The following CEP63 variants were observed in gnomAD, a reference collection of about 807,000 sequenced individuals.
The protein encoded by CEP63 is centrosomal protein of 63 kDa.
In CEP63, 84 loss-of-function variants were observed where a neutral mutation model predicts 89.1. The observed-to-expected ratio is 0.94, with a 90% CI of 0.79 to 1.13. The LOEUF (loss-of-function observed/expected upper bound fraction) is 1.13. Among genes scored for constraint, CEP63 ranks in the 50% most tolerant of loss-of-function variants. The pLI is 0.00. For missense variants in CEP63, 838 were observed against 813.3 expected (o/e 1.03, Z -0.37); for synonymous variants, 267 against 272.5 (o/e 0.98, Z 0.20).
At chr3:134,634,058 A>G in the CEP63 span, among the ~76,000 whole-genome samples, 20 of 152,356 alleles carry the variant, frequency 1.3e-4, no homozygotes, top group East Asian at 3.7e-3. Context: ...AATCCCAAAC[A>G]TGTGCAATAA....
the CEP63 span, chr3:134,650,996 G>C: frequency 1.2e-6 from 2 of 1,611,664 alleles, no homozygotes; most frequent in Non-Finnish European, 8.5e-7. Context: ...CGCCGCGGCC[G>C]CACGCTAGGC....
At chr3:134,694,890 T>C in the CEP63 span, among the ~76,000 whole-genome samples, 21 of 152,248 alleles carry the variant, frequency 1.4e-4, no homozygotes, top group Non-Finnish European at 1.5e-5. Flanking sequence ...TGTGTGGGTG[T>C]GTGCACATGT....
the CEP63 span, among the ~76,000 whole-genome samples, chr3:134,732,438 G>A: frequency 6.6e-6 from 1 of 152,024 alleles, no homozygotes; most frequent in African/African-American, 2.4e-5. Context: ...GATAAAATGT[G>A]AGAAGAAAAT....
the CEP63 span, among the ~76,000 whole-genome samples, chr3:134,645,409 C>A: frequency 6.6e-6 from 1 of 152,210 alleles, no homozygotes; most frequent in African/African-American, 2.4e-5. Context: ...CCAGCACATG[C>A]CATCAGCCAC....
the CEP63 span, among the ~76,000 whole-genome samples, chr3:134,666,981 C>G: frequency 6.6e-6 from 1 of 152,188 alleles, no homozygotes; most frequent in Non-Finnish European, 1.5e-5. Flanking sequence ...CCCCTGTCCC[C>G]TGTGTCTTTT....
chr3:134,766,951 G>T, the CEP63 span, among the ~76,000 whole-genome samples: 91,200 of 152,014 alleles, frequency 0.6, 30,801 homozygotes, highest in East Asian at 0.87. Context: ...TCCTCAGTGG[G>T]ACTCTCTCTG....
At chr3:134,710,354 C>T in the CEP63 span, among the ~76,000 whole-genome samples, 1 of 152,282 alleles carries the variant, frequency 6.6e-6, no homozygotes, top group South Asian at 2.1e-4. Flanking sequence ...AGTTCTGCAG[C>T]AAGTGAAGGG....
chr3:134,733,567 A>G, the CEP63 span, among the ~76,000 whole-genome samples: 1 of 152,224 alleles, frequency 6.6e-6, no homozygotes, highest in Non-Finnish European at 1.5e-5. Flanking sequence ...CCTTAACCCA[A>G]TATGACAGGT....
the CEP63 span, among the ~76,000 whole-genome samples, chr3:134,768,887 G>A: frequency 6.6e-6 from 1 of 152,168 alleles, no homozygotes; most frequent in African/African-American, 2.4e-5. Flanking sequence ...CAGAAGAGGG[G>A]TCAAAAGAGC....
the CEP63 span, among the ~76,000 whole-genome samples, chr3:134,635,381 C>T: frequency 6.6e-6 from 1 of 151,178 alleles, no homozygotes; most frequent in South Asian, 2.1e-4. Flanking sequence ...CCTGTAACCC[C>T]AGCTACTCGG....
the CEP63 span, among the ~76,000 whole-genome samples, chr3:134,663,687 C>T: frequency 6.6e-6 from 1 of 152,132 alleles, no homozygotes; most frequent in Non-Finnish European, 1.5e-5. Context: ...GTGGATCATT[C>T]CCTGGCATGC....
intron 10 of CEP63, among the ~76,000 whole-genome samples, chr3:134,581,575 C>CT (rs780004339): frequency 6.0e-4 from 91 of 151,840 alleles, no homozygotes; most frequent in Admixed American, 2.0e-3. Context: ...GAGCAAAACT[C>CT]TGTCTCAAAA....
chr3:134,519,317 A>G (rs1946923208), intron 3 of CEP63, among the ~76,000 whole-genome samples: 1 of 150,620 alleles, frequency 6.6e-6, no homozygotes, highest in Admixed American at 6.6e-5. Context: ...TTTCTTAAGT[A>G]GAAATGGGGT....
At chr3:134,651,016 T>C in the CEP63 span, 705 of 1,609,402 alleles carry the variant, frequency 4.4e-4, 4 homozygotes, top group African/African-American at 8.6e-3. Context: ...CTGCTTGCGC[T>C]GCAAATGGCC....
At position 134,583,533 on chromosome 3, in the gene CEP63, G is replaced by A. The variant is rs190014667; in HGVS notation, c.1207-3925G>A. On this transcript the variant is annotated intron_variant, in intron 10 of 10. Transcript: ENST00000683931. ...CTGAGGGCTCTGTTCTGTTCCATTG[G>A]TCTATATATCTGTTTTGGTACCAGT... 5.0e-3 allele frequency among the ~76,000 whole-genome samples: 760 copies of A among 152,072 alleles called. 2 individuals are homozygous for A. Among genetic ancestry groups the A allele is most frequent in the South Asian group, 8.9e-3 (43 of 4,822 alleles).
chr3:134,669,322 C>G, the CEP63 span, among the ~76,000 whole-genome samples: 2 of 152,194 alleles, frequency 1.3e-5, no homozygotes, highest in Admixed American at 1.3e-4. Flanking sequence ...GCCACCACAC[C>G]TGGCCCTACT....
chr3:134,640,241 CA>C, the CEP63 span, among the ~76,000 whole-genome samples: 1 of 152,048 alleles, frequency 6.6e-6, no homozygotes, highest in Non-Finnish European at 1.5e-5. Flanking sequence ...GTACTGCACC[CA>C]AATCAACACC....
At chr3:134,668,660 G>T in the CEP63 span, among the ~76,000 whole-genome samples, 1 of 152,118 alleles carries the variant, frequency 6.6e-6, no homozygotes, top group Non-Finnish European at 1.5e-5. Flanking sequence ...GTGGTGTCCA[G>T]TTCACCCTCA....
At chr3:134,776,404 AT>A in the CEP63 span, among the ~76,000 whole-genome samples, 18 of 151,824 alleles carry the variant, frequency 1.2e-4, no homozygotes, top group Admixed American at 3.9e-4. Flanking sequence ...AAGATACTTA[AT>A]TTTTTTTTCA....
Sources: gnomAD v4.1 joint callset for allele counts (sites outside exome capture counted in the v4.1 genomes callset) on GRCh38, gnomAD v4.1.1 for gene constraint, MANE v1.5 for transcripts, NCBI Gene and HGNC (gene_info 2026-07-23, HGNC 2026-07-21) for gene names.